SECISBP2: variants seen among roughly 807,000 people sequenced by gnomAD.
SECISBP2 encodes SECIS binding protein 2.
Under a neutral mutation model 98.2 loss-of-function variants are expected in SECISBP2, and 96 were observed. That is an observed-to-expected ratio of 0.98 (90% CI 0.83 to 1.16). SECISBP2 has a LOEUF of 1.16. Among genes scored for constraint, SECISBP2 ranks in the 50% most tolerant of loss-of-function variants. The pLI is 0.00. For missense variants in SECISBP2, 1,046 were observed against 1,022.9 expected (o/e 1.02, Z -0.31); for synonymous variants, 407 against 370.2 (o/e 1.10, Z -1.14).
downstream of SECISBP2, chr9:89,363,314 AAG>A (rs1833036023): frequency 1.6e-5 from 23 of 1,453,762 alleles, no homozygotes; most frequent in South Asian, 2.4e-4. Context: ...CTCCGGGGCT[AAG>A]AGGGAACAAG....
At position 89,347,065 on chromosome 9, in the gene SECISBP2, A is replaced by T. The variant is rs1830523704; in HGVS notation, c.1602+17A>T. The T allele has an allele frequency of 1.9e-6, 3 of 1,612,208 alleles. No homozygotes were observed. Among genetic ancestry groups the T allele is most frequent in the Non-Finnish European group, 2.5e-6 (3 of 1,179,116 alleles). ...CTGAAGAAGGTATGTGGGGTGTTTC[A>T]GCCGAAGTGAGGCACTAGAAAACTT... On this transcript the variant is annotated intron_variant, in intron 11 of 16. Transcript: ENST00000375807.
intron 11 of SECISBP2, 128 bp from the exon 12 acceptor site, chr9:89,347,951 C>T (rs1348987262): frequency 2.3e-6 from 2 of 886,968 alleles, no homozygotes; most frequent in South Asian, 2.9e-5. Context: ...CTGGGGAGCA[C>T]TTGGCTGCTC....
chr9:89,341,603 C>G (rs1419027213), intron 10 of SECISBP2, 124 bp downstream of exon 10: 2 of 1,136,482 alleles, frequency 1.8e-6, no homozygotes, highest in East Asian at 2.4e-5. Flanking sequence ...CTAGAATAAG[C>G]ATAGATAAGG....
the SECISBP2 span, among the ~76,000 whole-genome samples, chr9:89,366,342 A>G: frequency 4.6e-5 from 7 of 152,202 alleles, no homozygotes; most frequent in Non-Finnish European, 7.3e-5. Context: ...CTTATAACAA[A>G]CAAGCATTGC....
rs1832518054 is a variant in SECISBP2 at position 89,358,879 on chromosome 9, CTT to C, written c.*57_*58del. On this transcript the variant is annotated 3_prime_UTR_variant, in exon 17 of 17. Coordinates refer to ENST00000375807, the MANE Select transcript of SECISBP2 (RefSeq NM_024077.5). Reference sequence around the variant, plus strand: ...GTAAGGAGGGGAGGTCTGAAAAAGACTTTGGGGCTTTTTCTTCTGTTTTTCAT... The same window carrying C: ...GTAAGGAGGGGAGGTCTGAAAAAGACTGGGGCTTTTTCTTCTGTTTTTCAT... 1 of 1,052,196 alleles carries C rather than the reference CTT, an allele frequency of 9.5e-7. No individual in the cohort carries two copies. Among genetic ancestry groups the C allele is most frequent in the Admixed American group, 1.8e-5 (1 of 55,878 alleles). The allele number at this position is 1,052,196 out of a possible 1,614,324, so 65.2% of individuals were successfully genotyped here. A position where few individuals can be genotyped will look rare whatever the true frequency, so the allele number is the denominator to read the frequency against.
chr9:89,320,631 A>G (rs1175070454), intron 2 of SECISBP2, among the ~76,000 whole-genome samples: 2 of 152,140 alleles, frequency 1.3e-5, no homozygotes, highest in African/African-American at 4.8e-5. Context: ...TAATATGGAG[A>G]TGAATTTTAC....
chr9:89,324,853 T>C (rs1826414034), intron 2 of SECISBP2: 1 of 156,120 alleles, frequency 6.4e-6, no homozygotes, highest in East Asian at 1.9e-4. Flanking sequence ...TGGTTTAGTC[T>C]AGCAGCTTGG....
At chr9:89,355,457 G>C (rs764036528) in intron 14 of SECISBP2, 54 of 965,258 alleles carry the variant, frequency 5.6e-5, no homozygotes, top group Non-Finnish European at 6.7e-5. Context: ...GGCATTTTCT[G>C]TGAATTGTTC....
At position 89,332,951 on chromosome 9, in the gene SECISBP2, C is replaced by T; in HGVS notation, c.845C>T (p.Ala282Val). The part of the protein sequence containing the change: ...VKNNPNESVT[A>V]NAATNSPSCT... ...AATAACCCAAATGAATCTGTAACTG[C>T]TAATGCCGCTACCAATTCTCCTTCA... Residue 282 changes from alanine (A) to valine (V), a missense_variant, in exon 6 of 17, where the codon GCT (alanine) becomes GTT (valine). Ala to Val is a moderately conservative substitution (Grantham distance 64). Coordinates refer to ENST00000375807, the MANE Select transcript of SECISBP2 (RefSeq NM_024077.5). 2 of 1,613,946 alleles carry T rather than the reference C, an allele frequency of 1.2e-6. No individual in the cohort carries two copies. The highest frequency in any genetic ancestry group is 1.7e-6 in the Non-Finnish European group (2 of 1,179,906).
At chr9:89,357,905 C>T (rs1588027479) in intron 15 of SECISBP2, 94 bp from the exon 16 acceptor site, 12 of 1,336,076 alleles carry the variant, frequency 9.0e-6, no homozygotes, top group South Asian at 4.9e-5. Flanking sequence ...CCATGTCACC[C>T]CTGCTTCTCT....
chr9:89,322,015 T>G (rs772760629), intron 2 of SECISBP2, among the ~76,000 whole-genome samples: 7 of 152,372 alleles, frequency 4.6e-5, no homozygotes, highest in Middle Eastern at 6.8e-3. Context: ...CAACTTTGTA[T>G]GTCCCCTTCC....
chr9:89,360,886 T>A (rs756406588), downstream of SECISBP2: 2 of 152,194 alleles, frequency 1.3e-5, no homozygotes, highest in Admixed American at 6.5e-5. Context: ...CACTCCACAT[T>A]ACGAAAACTT....
chr9:89,357,696 C>T (rs1405103918), intron 15 of SECISBP2, 131 bp downstream of exon 15: 4 of 1,119,382 alleles, frequency 3.6e-6, no homozygotes, highest in East Asian at 2.4e-5. Flanking sequence ...GGAGCCACCA[C>T]TTAGGCAGAA....
chr9:89,358,095 A>C lies in SECISBP2; in HGVS notation c.2365A>C (p.Arg789=). The change falls in exon 16 of 17, where the codon AGG becomes CGG. Residue 789 remains arginine (R), a synonymous_variant. Transcript: ENST00000375807. ...GCAGCAGGAGCTGGTGGGAGAGCCC[A>C]GGCCTCAGGCACCTCCCAGCCTACC... ...NVQQELVGEP[R]PQAPPSLPTQ... is the part of the protein sequence containing the mutation. 2 of 1,613,854 alleles carry C rather than the reference A, an allele frequency of 1.2e-6. No individual in the cohort carries two copies. Among genetic ancestry groups the C allele is most frequent in the Non-Finnish European group, 8.5e-7 (1 of 1,179,990 alleles).
intron 14 of SECISBP2, among the ~76,000 whole-genome samples, chr9:89,351,965 C>T (rs57417997): frequency 6.6e-6 from 1 of 152,206 alleles, no homozygotes; most frequent in Admixed American, 6.5e-5. Context: ...CCCTTCCTTT[C>T]CTAGCAACTC....
At chr9:89,357,949 G>A (rs765589988) in intron 15 of SECISBP2, 50 bp from the exon 16 acceptor site, 54 of 1,597,782 alleles carry the variant, frequency 3.4e-5, no homozygotes, top group East Asian at 1.6e-4. Context: ...TGAGGGACCC[G>A]TGTCCTCTGT....
downstream of SECISBP2, chr9:89,362,533 C>A: frequency 6.3e-7 from 1 of 1,588,204 alleles, no homozygotes; most frequent in Non-Finnish European, 8.6e-7. Context: ...GCACTCAAGG[C>A]CTCAGCCCCC....
chr9:89,350,546 C>CGTAG (rs1831126140), intron 13 of SECISBP2, 86 bp from the exon 14 acceptor site: 1 of 1,173,514 alleles, frequency 8.5e-7, no homozygotes, highest in Non-Finnish European at 1.3e-6. Context: ...ATGCAGTCTA[C>CGTAG]GTCTCTTCTC....
chr9:89,324,763 G>A (rs1370782526), intron 2 of SECISBP2: 1 of 152,582 alleles, frequency 6.6e-6, no homozygotes, highest in Admixed American at 6.5e-5. Flanking sequence ...CATTGTATCA[G>A]CTTTCATGGG....
Sources: allele counts gnomAD v4.1 joint callset (sites outside exome capture counted in the v4.1 genomes callset), GRCh38; gene constraint gnomAD v4.1.1; transcripts MANE v1.5; gene names NCBI Gene and HGNC (gene_info 2026-07-23, HGNC 2026-07-21).